The following CELF2 variants were observed in gnomAD, a reference collection of about 807,000 sequenced individuals.
The protein encoded by CELF2 is CUGBP Elav-like family member 2.
A neutral mutation model predicts 62.6 loss-of-function variants in CELF2; 8 were observed. That is an observed-to-expected ratio of 0.13 (90% CI 0.07 to 0.23). The LOEUF is 0.23. Ranked by LOEUF, CELF2 falls within the 10% of genes least tolerant of loss-of-function variation. The pLI is 1.00. For synonymous variants in CELF2, 258 were observed against 250.0 expected, an observed-to-expected ratio of 1.03 and a Z score of -0.30; for missense variants, 333 against 671.0, an observed-to-expected ratio of 0.50 and a Z score of 5.56.
intron 2 of CELF2, among the ~76,000 whole-genome samples, chr10:10,944,663 G>C (rs563008221): frequency 6.6e-6 from 1 of 151,810 alleles, no homozygotes; most frequent in Non-Finnish European, 1.5e-5. Flanking sequence ...GTGCAGTGGC[G>C]TGATCTCAGC....
chr10:11,053,644 T>TTGCTC (rs2064451942), intron 1 of CELF2, among the ~76,000 whole-genome samples: 1 of 148,184 alleles, frequency 6.7e-6, no homozygotes, highest in South Asian at 2.2e-4. Flanking sequence ...AGACAGAGTC[T>TTGCTC]TGCTCTGTTG....
chr10:10,698,076 A>C, the CELF2 span, among the ~76,000 whole-genome samples: 15 of 152,194 alleles, frequency 9.9e-5, no homozygotes, highest in African/African-American at 3.6e-4. Flanking sequence ...GTTTTAACAT[A>C]TCAATTGGGG....
the CELF2 span, among the ~76,000 whole-genome samples, chr10:10,469,090 T>C: frequency 6.6e-6 from 1 of 151,978 alleles, no homozygotes; most frequent in Non-Finnish European, 1.5e-5. Context: ...CATAACGTTT[T>C]AGTGTCTTAA....
chr10:10,769,964 T>C, the CELF2 span, among the ~76,000 whole-genome samples: 1 of 152,016 alleles, frequency 6.6e-6, no homozygotes, highest in Admixed American at 6.5e-5. Flanking sequence ...CAAAGGATGA[T>C]GAAGGTCTGA....
At chr10:10,884,331 C>T (rs982825155) in intron 1 of CELF2, among the ~76,000 whole-genome samples, 3 of 152,144 alleles carry the variant, frequency 2.0e-5, no homozygotes, top group Non-Finnish European at 1.5e-5. Flanking sequence ...GCATACCAGC[C>T]ACTGTCAGAA....
At chr10:10,980,985 G>A (rs969309631) in intron 2 of CELF2, among the ~76,000 whole-genome samples, 10 of 152,154 alleles carry the variant, frequency 6.6e-5, no homozygotes, top group East Asian at 1.9e-4. Flanking sequence ...ATTTGTGTAC[G>A]TCTACACTTT....
chr10:10,648,521 C>T, the CELF2 span, among the ~76,000 whole-genome samples: 2 of 152,192 alleles, frequency 1.3e-5, no homozygotes, highest in East Asian at 3.8e-4. Flanking sequence ...AGTACAATTT[C>T]CCCATCAGCC....
chr10:10,639,631 G>C, the CELF2 span, among the ~76,000 whole-genome samples: 1 of 152,126 alleles, frequency 6.6e-6, no homozygotes, highest in Non-Finnish European at 1.5e-5. Flanking sequence ...AAACATTGTT[G>C]AAATGATGAA....
chr10:10,901,284 A>G (rs2062921595), intron 1 of CELF2, among the ~76,000 whole-genome samples: 1 of 152,252 alleles, frequency 6.6e-6, no homozygotes, highest in African/African-American at 2.4e-5. Flanking sequence ...ATCAAGTTGC[A>G]GTAATCAGGA....
At chr10:10,500,979 T>C in the CELF2 span, among the ~76,000 whole-genome samples, 1 of 152,250 alleles carries the variant, frequency 6.6e-6, no homozygotes, top group Admixed American at 6.5e-5. Context: ...CTGTGTAGTA[T>C]TCCATGGTAC....
intron 2 of CELF2, among the ~76,000 whole-genome samples, chr10:11,174,304 G>A (rs141145397): frequency 6.6e-6 from 1 of 152,108 alleles, no homozygotes; most frequent in African/African-American, 2.4e-5. Context: ...TGCTGTAAAT[G>A]GAAAAAGGGG....
At chr10:10,503,954 G>A in the CELF2 span, among the ~76,000 whole-genome samples, 55 of 151,992 alleles carry the variant, frequency 3.6e-4, no homozygotes, top group Middle Eastern at 3.4e-3. Context: ...AGCTTATCAC[G>A]ATCTGCTGAT....
At position 11,275,136 on chromosome 10, in the gene CELF2, C is replaced by T. The variant is rs371845281; in HGVS notation, c.841+16C>T. On this transcript the variant is annotated intron_variant, in intron 8 of 12. Coordinates refer to ENST00000633077, the MANE Select transcript of CELF2 (RefSeq NM_001326342.2). Reference sequence around the variant, plus strand: ...CAAATGGCAGGTAAGTCAGGAAGCACGCCTCTCCTTTTGACCGTGCTATTG... The same window carrying T: ...CAAATGGCAGGTAAGTCAGGAAGCATGCCTCTCCTTTTGACCGTGCTATTG... The T allele has an allele frequency of 1.7e-4, 269 of 1,613,772 alleles. 1 individual carries two copies. Among genetic ancestry groups the T allele is most frequent in the South Asian group, 8.8e-4 (80 of 91,084 alleles).
chr10:11,053,507 T>C (rs1270854683), intron 1 of CELF2, among the ~76,000 whole-genome samples: 2 of 151,596 alleles, frequency 1.3e-5, no homozygotes, highest in Non-Finnish European at 2.9e-5. Flanking sequence ...ATTTTTAGGC[T>C]AAAAGAATTT....
At chr10:10,897,262 T>C (rs1348678045) in intron 1 of CELF2, among the ~76,000 whole-genome samples, 3 of 152,036 alleles carry the variant, frequency 2.0e-5, no homozygotes, top group Non-Finnish European at 4.4e-5. Context: ...TCAAAAGAAA[T>C]ATGTTATCAG....
chr10:11,063,673 C>G (rs1437316533), intron 1 of CELF2, among the ~76,000 whole-genome samples: 1 of 152,074 alleles, frequency 6.6e-6, no homozygotes, highest in Non-Finnish European at 1.5e-5. Context: ...TTAAATAAAC[C>G]CTTTTTTTGC....
chr10:11,249,096 G>C (rs2076411182), intron 3 of CELF2, 57 bp from the exon 4 acceptor site: 4 of 1,381,410 alleles, frequency 2.9e-6, no homozygotes, highest in Non-Finnish European at 4.1e-6. Context: ...GCAGATTTCT[G>C]AGATGATTTT....
rs1398618229 is a variant in CELF2, at chr10:11,316,360, G to A, written c.1096+2102G>A. 6.6e-6 allele frequency among the ~76,000 whole-genome samples: 1 copy of A among 152,160 alleles called. No individual in the cohort carries two copies. The highest frequency in any genetic ancestry group is 1.5e-5 in the Non-Finnish European group (1 of 68,026). ...CAATGAAAATACATTCCTTGTGATT[G>A]GAAAGTGTTACTAATGCAGAGCCGT... On this transcript the variant is annotated intron_variant, in intron 10 of 12. Coordinates refer to ENST00000633077, the MANE Select transcript of CELF2 (RefSeq NM_001326342.2). This position sits in a 1 kb window ranked among gnomAD's most constrained non-coding sequence, Gnocchi z 4.4.
At chr10:11,018,324 G>C (rs2057659192) in intron 1 of CELF2, among the ~76,000 whole-genome samples, 161 bp downstream of exon 1, 1 of 151,694 alleles carries the variant, frequency 6.6e-6, no homozygotes, top group Non-Finnish European at 1.5e-5. Context: ...GACGCGGGAG[G>C]AGGGAGCGGG....
Sources: gnomAD v4.1 joint callset for allele counts (sites outside exome capture counted in the v4.1 genomes callset) on GRCh38, gnomAD v4.1.1 for gene constraint, Gnocchi (gnomAD v3.1) non-coding constraint, MANE v1.5 for transcripts, NCBI Gene and HGNC (gene_info 2026-07-23, HGNC 2026-07-21) for gene names.